Variants in CHN1 observed in about 807,000 individuals in gnomAD.
CHN1 encodes the protein N-chimaerin.
In CHN1, 37 loss-of-function variants were observed where a neutral mutation model predicts 59.5. That is an observed-to-expected ratio of 0.62 (90% CI 0.48 to 0.82). CHN1 has a LOEUF of 0.82. Ranked by LOEUF, CHN1 falls within the 40% of genes least tolerant of loss-of-function variation. The pLI is 0.00. For synonymous variants in CHN1, 206 were observed against 200.4 expected (o/e 1.03, Z -0.24); for missense variants, 469 against 571.0 (o/e 0.82, Z 1.82).
At chr2:174,816,226 G>A (rs1242367344) in intron 8 of CHN1, among the ~76,000 whole-genome samples, 1 of 152,208 alleles carries the variant, frequency 6.6e-6, no homozygotes, top group Non-Finnish European at 1.5e-5. Flanking sequence ...CTATAGGGTG[G>A]AGAAGAAAGT....
chr2:174,894,582 A>G (rs902790261), intron 5 of CHN1, among the ~76,000 whole-genome samples: 21 of 121,294 alleles, frequency 1.7e-4, no homozygotes, highest in Admixed American at 1.7e-3. Context: ...CAAAATTAAA[A>G]ATAGAACTAT....
chr2:174,865,969 G>C (rs1429851852), intron 6 of CHN1, among the ~76,000 whole-genome samples: 2 of 152,132 alleles, frequency 1.3e-5, no homozygotes, highest in Admixed American at 1.3e-4. Flanking sequence ...CATGCTCAAA[G>C]CAAAAATCAT....
chr2:174,975,657 A>AAC (rs199998789), intron 1 of CHN1, among the ~76,000 whole-genome samples: 355 of 147,862 alleles, frequency 2.4e-3, no homozygotes, highest in South Asian at 0.011. Context: ...AAAACAAACA[A>AAC]AAAAAAAAAA....
rs1269462447 is a variant in CHN1, at chr2:175,005,340, C to T, written c.-428G>A. 1 of 1,158,338 alleles carries T rather than the reference C, an allele frequency of 8.6e-7. No individual in the cohort carries two copies. The highest frequency in any genetic ancestry group is 1.8e-5 in the South Asian group (1 of 55,620). 71.8% of individuals were successfully genotyped at this position (1,158,338 alleles called of 1,614,324 possible). The stretch of plus-strand genomic sequence containing the variant: ...CCGGCGGGGCGCGCTCACTCCGCAT[C>T]CCGCGGCCTCGCAGACGCCATCTTG... On this transcript the variant is annotated 5_prime_UTR_variant, in exon 1 of 13. Transcript: ENST00000409900.
At chr2:174,885,170 G>C (rs927334062) in intron 5 of CHN1, among the ~76,000 whole-genome samples, 3 of 151,078 alleles carry the variant, frequency 2.0e-5, no homozygotes, top group Non-Finnish European at 4.4e-5. Flanking sequence ...AGCTACTCAG[G>C]AGGACGAGAC....
chr2:174,903,995 G>A (rs1688465833), intron 5 of CHN1, among the ~76,000 whole-genome samples: 1 of 152,182 alleles, frequency 6.6e-6, no homozygotes, highest in African/African-American at 2.4e-5. Flanking sequence ...GGGCACGGTG[G>A]CTCATGCCTG....
intron 3 of CHN1, among the ~76,000 whole-genome samples, chr2:174,919,564 T>C (rs1688946290): frequency 1.3e-5 from 2 of 152,242 alleles, no homozygotes; most frequent in African/African-American, 4.8e-5. Context: ...GGAATTATTC[T>C]ACTTTGTCTT....
chr2:174,991,005 G>A (rs1042867001), intron 1 of CHN1, among the ~76,000 whole-genome samples: 2 of 152,110 alleles, frequency 1.3e-5, no homozygotes, highest in Admixed American at 6.5e-5. Context: ...TAAGCAATAA[G>A]TGAAATGTCA....
rs137905478 is a variant in CHN1 at position 174,815,800 on chromosome 2, G to C, written c.713-3318C>G. On this transcript the variant is annotated intron_variant, in intron 8 of 12. Transcript: ENST00000409900. ...ATTCTGAATGGTATCTTTGATATTT[G>C]AGTATTATTTGACTCTGGTTCCTAC... 5.3e-3 allele frequency among the ~76,000 whole-genome samples: 805 copies of C among 152,132 alleles called. 6 individuals are homozygous for C. Among genetic ancestry groups the C allele is most frequent in the African/African-American group, 0.018 (762 of 41,506 alleles).
At chr2:174,821,698 C>T (rs1411687821) in intron 8 of CHN1, 9 of 451,188 alleles carry the variant, frequency 2.0e-5, no homozygotes, top group Admixed American at 4.9e-5. Context: ...GCTTTCCAGG[C>T]GCCATCTTGG....
intron 1 of CHN1, among the ~76,000 whole-genome samples, chr2:174,955,613 T>TA (rs1690181423): frequency 6.6e-6 from 1 of 151,324 alleles, no homozygotes; most frequent in African/African-American, 2.4e-5. Context: ...AAACACCACC[T>TA]AAAAATCTAT....
chr2:174,829,950 T>C (rs1685815808), intron 7 of CHN1, among the ~76,000 whole-genome samples: 1 of 152,194 alleles, frequency 6.6e-6, no homozygotes, highest in Non-Finnish European at 1.5e-5. Context: ...GGTCTTAAAC[T>C]TTTTGGTCCA....
At chr2:174,908,119 C>A (rs182314457) in intron 5 of CHN1, among the ~76,000 whole-genome samples, 1 of 152,150 alleles carries the variant, frequency 6.6e-6, no homozygotes, top group South Asian at 2.1e-4. Context: ...AAGACTCTTG[C>A]ACATGTCACT....
chr2:174,993,485 G>A (rs376752291), intron 1 of CHN1, among the ~76,000 whole-genome samples: 4 of 152,022 alleles, frequency 2.6e-5, no homozygotes, highest in Non-Finnish European at 4.4e-5. Flanking sequence ...CTGTGGCACC[G>A]TGGCTGGGAA....
intron 6 of CHN1, among the ~76,000 whole-genome samples, chr2:174,864,965 ATTG>A (rs1295697652): frequency 2.0e-5 from 3 of 152,136 alleles, no homozygotes; most frequent in African/African-American, 4.8e-5. Flanking sequence ...TTATTTATTT[ATTG>A]TTGTTGTTCC....
In CHN1 at chr2:174,800,304, C is replaced by G. The variant is rs752706315; in HGVS notation, c.1209-17G>C. 7.0e-7 allele frequency: 1 copy of G among 1,425,950 alleles called. No individual in the cohort carries two copies. The highest frequency in any genetic ancestry group is 9.2e-7 in the Non-Finnish European group (1 of 1,087,642). 88.3% of individuals were successfully genotyped at this position (1,425,950 alleles called of 1,614,324 possible). A position where few individuals can be genotyped will look rare whatever the true frequency, so the allele number is the denominator to read the frequency against. ...AGGGTCACTCTGAAAAATGCAAGTA[C>G]AGGAATAAATGACTTTGTGTAAGCC... is the stretch of plus-strand genomic sequence containing the variant. On this transcript the variant is annotated splice_polypyrimidine_tract_variant and intron_variant, in intron 12 of 12. Transcript: ENST00000409900.
rs550361131 is a variant in CHN1, at chr2:174,891,425, C to T, written c.261-13297G>A. 5.9e-5 allele frequency among the ~76,000 whole-genome samples: 9 copies of T among 151,634 alleles called. No homozygotes were observed. In the East Asian group the frequency reaches 7.8e-4, roughly 13 times the overall value. On this transcript the variant is annotated intron_variant, in intron 5 of 12. Coordinates refer to ENST00000409900, the MANE Select transcript of CHN1 (RefSeq NM_001822.7). ...TCTCTACTAAAAATACAAAAATTAG[C>T]TGGGCTTGGTGGTGGGCACTTGTAA... is the stretch of plus-strand genomic sequence containing the variant.
intron 7 of CHN1, among the ~76,000 whole-genome samples, chr2:174,832,896 C>T (rs961719713): frequency 3.9e-5 from 6 of 152,060 alleles, no homozygotes; most frequent in Admixed American, 2.0e-4. Flanking sequence ...ACATTAACAC[C>T]ATGGTATTTG....
intron 11 of CHN1, among the ~76,000 whole-genome samples, chr2:174,805,121 T>C (rs897434158): frequency 6.6e-6 from 1 of 152,082 alleles, no homozygotes; most frequent in Non-Finnish European, 1.5e-5. Flanking sequence ...AAAATACACA[T>C]GGAATAAGGG....
Sources: allele counts gnomAD v4.1 joint callset (sites outside exome capture counted in the v4.1 genomes callset), GRCh38; gene constraint gnomAD v4.1.1; transcripts MANE v1.5; gene names NCBI Gene and HGNC (gene_info 2026-07-23, HGNC 2026-07-21).